Variants in RPL11 observed in about 807,000 individuals in gnomAD.
RPL11 encodes the protein ribosomal protein L11.
Under a neutral mutation model 24.1 loss-of-function variants are expected in RPL11, and 3 were observed. The observed-to-expected ratio is 0.12, with a 90% CI of 0.06 to 0.32. The LOEUF (loss-of-function observed/expected upper bound fraction) is 0.32, where lower values mean the gene tolerates loss of function less well. Among genes scored for constraint, RPL11 ranks in the 10% least tolerant of loss-of-function variants. The pLI is 1.00. For missense variants in RPL11, 146 were observed against 225.7 expected (o/e 0.65, Z 2.26); for synonymous variants, 96 against 75.7 (o/e 1.27, Z -1.39).
rs1644535409 is a variant in RPL11, at chr1:23,696,793, G to A, written c.*420G>A. 3.9e-6 allele frequency: 1 copy of A among 253,696 alleles called. No homozygotes were observed. 15.7% of individuals were successfully genotyped at this position (253,696 alleles called of 1,614,324 possible). ...ATTGATGCGTCATGAAGGAATGACA[G>A]GCTTTGGTGTGATGGTTGAGATTAA... On this transcript the variant is annotated 3_prime_UTR_variant, in exon 6 of 6. Coordinates refer to ENST00000643754, the MANE Select transcript of RPL11 (RefSeq NM_000975.5).
intron 5 of RPL11, 96 bp downstream of exon 5, chr1:23,696,004 ATCT>A (rs760198106): frequency 2.7e-5 from 33 of 1,205,184 alleles, no homozygotes; most frequent in South Asian, 2.4e-4. Context: ...TTTGCTGGGT[ATCT>A]TCTTTAAAGT....
intron 4 of RPL11, chr1:23,695,426 A>G: frequency 3.3e-6 from 1 of 303,356 alleles, no homozygotes; most frequent in Non-Finnish European, 6.4e-6. Flanking sequence ...AGAAGGAAGA[A>G]AATATATATA....
intron 2 of RPL11, 139 bp downstream of exon 2, chr1:23,692,898 G>GT: frequency 1.4e-5 from 12 of 871,646 alleles, no homozygotes; most frequent in South Asian, 1.1e-4. Flanking sequence ...GCCAAGAGGT[G>GT]TCTTTTTTTT....
At position 23,695,897 on chromosome 1, in the gene RPL11, T is replaced by C; in HGVS notation, c.496T>C (p.Phe166Leu). ...RISKEEAMRW[F>L]QQKYDGIILP... ...CAGCAAAGAGGAGGCCATGCGCTGG[T>C]TCCAGCAGAAGGTAAAGCTGATTTA... The change falls in exon 5 of 6, where the codon TTC (phenylalanine) becomes CTC (leucine). Residue 166 changes from phenylalanine (F) to leucine (L), a missense_variant. Physicochemically the swap from Phe to Leu is conservative, Grantham distance 22. Coordinates refer to ENST00000643754, the MANE Select transcript of RPL11 (RefSeq NM_000975.5). 1 of 1,581,356 alleles carries C rather than the reference T, an allele frequency of 6.3e-7. No individual in the cohort carries two copies. Among genetic ancestry groups the C allele is most frequent in the Non-Finnish European group, 8.6e-7 (1 of 1,163,026 alleles).
chr1:23,691,840 G>A lies in RPL11; in HGVS notation c.6+11G>A. The A allele has an allele frequency of 6.8e-6, 11 of 1,614,234 alleles. No homozygotes were observed. Among genetic ancestry groups the A allele is most frequent in the South Asian group, 1.1e-5 (1 of 91,086 alleles). ...CTCTCCATCATGGCGGTGAGTAGCT[G>A]GGACCTGGATTTGCTTTCCTTTATC... On this transcript the variant is annotated intron_variant, in intron 1 of 5. Coordinates refer to ENST00000643754, the MANE Select transcript of RPL11 (RefSeq NM_000975.5).
chr1:23,691,860 T>C (rs1644501579), intron 1 of RPL11, 31 bp downstream of exon 1: 1 of 1,614,190 alleles, frequency 6.2e-7, no homozygotes. Context: ...TTTGCTTTCC[T>C]TTATCCGTCG....
At chr1:23,695,768 C>G in intron 4 of RPL11, 30 bp from the exon 5 acceptor site, 1 of 1,554,014 alleles carries the variant, frequency 6.4e-7, no homozygotes, top group East Asian at 2.4e-5. Flanking sequence ...TCTGAGCTGG[C>G]TAGGTGACTG....
In RPL11 at chr1:23,693,789, G is replaced by C. The variant is rs115017937; in HGVS notation, c.158-18G>C. ...GGGGTATGATGGCATCTGACTCCTT[G>C]TTACCCACTTCCTGCAGCTAGATAC... On this transcript the variant is annotated intron_variant, in intron 2 of 5. Transcript: ENST00000643754. 1,058 of 1,599,274 alleles carry C rather than the reference G, an allele frequency of 6.6e-4. 9 individuals carry two copies. In the African/African-American group the frequency reaches 9.9e-3, roughly 15 times the overall value.
intron 3 of RPL11, 140 bp from the exon 4 acceptor site, chr1:23,694,514 GGAAGTC>G: frequency 9.7e-7 from 1 of 1,032,532 alleles, no homozygotes; most frequent in Non-Finnish European, 1.5e-6. Context: ...GGTATAGTGA[GGAAGTC>G]AGGTTGTGTT....
chr1:23,695,515 A>G, intron 4 of RPL11: 1 of 459,506 alleles, frequency 2.2e-6, no homozygotes, highest in Admixed American at 3.4e-5. Flanking sequence ...TAAAAAGAAA[A>G]ATGGAGATTT....
intron 4 of RPL11, chr1:23,695,542 G>C (rs1042858743): frequency 1.9e-6 from 1 of 528,794 alleles, no homozygotes; most frequent in Non-Finnish European, 3.4e-6. Flanking sequence ...AGTAATGGAG[G>C]ATCCTCAGCA....
chr1:23,696,384 C>G lies in RPL11; in HGVS notation c.*11C>G, dbSNP rs1356193997. 3 of 1,613,286 alleles carry G rather than the reference C, an allele frequency of 1.9e-6. No homozygotes were observed. The highest frequency in any genetic ancestry group is 4.5e-5 in the East Asian group (2 of 44,884). On this transcript the variant is annotated 3_prime_UTR_variant, in exon 6 of 6. Coordinates refer to ENST00000643754, the MANE Select transcript of RPL11 (RefSeq NM_000975.5). Reference sequence around the variant, plus strand: ...CTTCCTGGCAAATAAATTCCCGTTTCTATCCAAAAGAGCAATAAAAAGTTT... The same window carrying G: ...CTTCCTGGCAAATAAATTCCCGTTTGTATCCAAAAGAGCAATAAAAAGTTT...
At position 23,692,101 on chromosome 1, in the gene RPL11, G is replaced by A. The variant is rs116665486; in HGVS notation, c.6+272G>A. ...CGGGGGCAGATGGGGTGAATGGAGG[G>A]TTCTGAGGCAGGGGGGTCCGGGCCT... On this transcript the variant is annotated intron_variant, in intron 1 of 5. Transcript: ENST00000643754. 1.8e-3 allele frequency: 1,070 copies of A among 579,804 alleles called. 8 individuals carry two copies. The highest frequency in any genetic ancestry group is 0.018 in the African/African-American group (960 of 53,382). The allele number at this position is 579,804 out of a possible 1,614,324, so 35.9% of individuals were successfully genotyped here. A position where few individuals can be genotyped will look rare whatever the true frequency, so the allele number is the denominator to read the frequency against.
Position 23,692,771 on chromosome 1 carries a change from C to A in RPL11, c.157+12C>A. On this transcript the variant is annotated intron_variant, in intron 2 of 5. Coordinates refer to ENST00000643754, the MANE Select transcript of RPL11 (RefSeq NM_000975.5). ...TGTGTTTTCCAAAGGTGAGTAGTCA[C>A]AAGGACATACAGGGTTTGCCTGCTT... 1.9e-6 allele frequency: 3 copies of A among 1,612,830 alleles called. No homozygotes were observed. The highest frequency in any genetic ancestry group is 1.7e-5 in the Admixed American group (1 of 60,000).
chr1:23,695,410 T>A, intron 4 of RPL11: 1 of 297,734 alleles, frequency 3.4e-6, no homozygotes, highest in Non-Finnish European at 6.5e-6. Context: ...ATTTTTGAGC[T>A]GAAGCAGAAG....
chr1:23,695,327 C>T (rs886903112), intron 4 of RPL11: 6 of 268,736 alleles, frequency 2.2e-5, no homozygotes, highest in Non-Finnish European at 3.6e-5. Context: ...ATGGTGGCAC[C>T]CTCATTAGAC....
rs1644524089 is a variant in RPL11 at position 23,694,905 on chromosome 1, C to T, written c.396+114C>T. On this transcript the variant is annotated intron_variant, in intron 4 of 5. Coordinates refer to ENST00000643754, the MANE Select transcript of RPL11 (RefSeq NM_000975.5). ...AGTTGCAGCTTTGAATATTGTCTGC[C>T]TTTGTGTTCTCCTCCCCCTTGGGGA... 10 of 1,510,140 alleles carry T rather than the reference C, an allele frequency of 6.6e-6. No individual in the cohort carries two copies. The Middle Eastern group carries it at 5.1e-4, about 77-fold the overall frequency. The allele number at this position is 1,510,140 out of a possible 1,614,324, so 93.5% of individuals were successfully genotyped here.
chr1:23,695,598 C>G, intron 4 of RPL11, 200 bp from the exon 5 acceptor site: 5 of 621,912 alleles, frequency 8.0e-6, no homozygotes, highest in South Asian at 7.2e-5. Context: ...AAGTTCCAGC[C>G]TCCAAAGCAA....
chr1:23,696,043 C>A, intron 5 of RPL11, 135 bp downstream of exon 5: 1 of 879,676 alleles, frequency 1.1e-6, no homozygotes. Context: ...CTTGACAAAT[C>A]AGGGGCTTCC....
Sources: allele counts gnomAD v4.1 joint callset, GRCh38; gene constraint gnomAD v4.1.1; transcripts MANE v1.5; gene names NCBI Gene and HGNC (gene_info 2026-07-23, HGNC 2026-07-21).